SINHCAF: variants seen among roughly 807,000 people sequenced by gnomAD.
SINHCAF encodes the protein SIN3-HDAC complex associated factor.
SINHCAF carries 3 observed loss-of-function variants against 25.8 expected under a neutral mutation model. The observed-to-expected ratio is 0.12, with a 90% CI of 0.05 to 0.30. SINHCAF has a LOEUF of 0.30. SINHCAF is among the 10% of genes least tolerant of loss of function. The pLI is 1.00. For synonymous variants in SINHCAF, 70 were observed against 85.5 expected (o/e 0.82, Z 1.00); for missense variants, 121 against 262.3 (o/e 0.46, Z 3.72).
At chr12:31,289,172 T>G (rs1938204903) in intron 4 of SINHCAF, among the ~76,000 whole-genome samples, 1 of 152,058 alleles carries the variant, frequency 6.6e-6, no homozygotes, top group Non-Finnish European at 1.5e-5. Flanking sequence ...TGGAGCTTAG[T>G]CAAACATACA....
At chr12:31,314,063 T>C (rs1380460829) in intron 1 of SINHCAF, among the ~76,000 whole-genome samples, 1 of 152,044 alleles carries the variant, frequency 6.6e-6, no homozygotes, top group African/African-American at 2.4e-5. Flanking sequence ...TCCTGTGGAG[T>C]TCCTGTCCGT....
At chr12:31,296,685 A>C (rs1484417208) in intron 2 of SINHCAF, among the ~76,000 whole-genome samples, 1 of 151,948 alleles carries the variant, frequency 6.6e-6, no homozygotes, top group Non-Finnish European at 1.5e-5. Flanking sequence ...AAAATCCTGT[A>C]TCTACAAAAA....
At chr12:31,302,704 A>G (rs891797630) in intron 1 of SINHCAF, among the ~76,000 whole-genome samples, 3 of 152,008 alleles carry the variant, frequency 2.0e-5, no homozygotes, top group African/African-American at 7.2e-5. Context: ...TTTGACTGGT[A>G]TTCAGTGATG....
intron 1 of SINHCAF, chr12:31,311,605 C>A: frequency 2.8e-6 from 1 of 358,818 alleles, no homozygotes; most frequent in Non-Finnish European, 5.4e-6. Context: ...CCCCCTGGAC[C>A]CAGGGCCAAG....
At chr12:31,320,861 A>G (rs1255211086) in intron 1 of SINHCAF, among the ~76,000 whole-genome samples, 1 of 152,114 alleles carries the variant, frequency 6.6e-6, no homozygotes, top group South Asian at 2.1e-4. Flanking sequence ...TGTGGGGAGA[A>G]ATGAGAAATG....
intron 4 of SINHCAF, among the ~76,000 whole-genome samples, chr12:31,292,792 G>A (rs1360669836): frequency 6.6e-6 from 1 of 152,060 alleles, no homozygotes; most frequent in Non-Finnish European, 1.5e-5. Flanking sequence ...GAGTTCTCCT[G>A]CACTCCTCAC....
rs1240136541 is a variant in SINHCAF at position 31,325,295 on chromosome 12, C to A, written c.-21+729G>T. On this transcript the variant is annotated intron_variant, in intron 1 of 5. Coordinates refer to ENST00000337682, the MANE Select transcript of SINHCAF (RefSeq NM_001135812.2). This position sits in a 1 kb window ranked among gnomAD's most constrained non-coding sequence, Gnocchi z 5.9. ...GCTCTTGGGCGCGGTCCGAAGAGGGCAGGCGAGTGGAAGACGGGCTGTTTT... is the reference window on the plus strand; with the variant it reads ...GCTCTTGGGCGCGGTCCGAAGAGGGAAGGCGAGTGGAAGACGGGCTGTTTT... 1.1e-5 allele frequency: 5 copies of A among 452,650 alleles called. No individual in the cohort carries two copies. The highest frequency in any genetic ancestry group is 7.8e-5 in the South Asian group (5 of 64,278). The allele number at this position is 452,650 out of a possible 1,614,324, so 28.0% of individuals were successfully genotyped here. A position where few individuals can be genotyped will look rare whatever the true frequency, so the allele number is the denominator to read the frequency against.
Position 31,324,115 on chromosome 12 carries a change from G to A in SINHCAF, c.-21+1909C>T. On this transcript the variant is annotated intron_variant, in intron 1 of 5. Coordinates refer to ENST00000337682, the MANE Select transcript of SINHCAF (RefSeq NM_001135812.2). This position sits in a 1 kb window ranked among gnomAD's most constrained non-coding sequence, Gnocchi z 5.5. ...GGGGCGAGGGCGAGGGCAGCGGGAGGTGAACCGCGTCGCTCGCCGCCACCT... is the reference window on the plus strand; with the variant it reads ...GGGGCGAGGGCGAGGGCAGCGGGAGATGAACCGCGTCGCTCGCCGCCACCT... 2.2e-6 allele frequency: 1 copy of A among 452,322 alleles called. No individual in the cohort carries two copies. The highest frequency in any genetic ancestry group is 4.4e-6 in the Non-Finnish European group (1 of 225,758). The allele number at this position is 452,322 out of a possible 1,614,324, so 28.0% of individuals were successfully genotyped here. A position where few individuals can be genotyped will look rare whatever the true frequency, so the allele number is the denominator to read the frequency against.
intron 2 of SINHCAF, among the ~76,000 whole-genome samples, chr12:31,296,396 G>A (rs1182331204): frequency 5.3e-5 from 8 of 151,840 alleles, no homozygotes; most frequent in African/African-American, 1.9e-4. Context: ...CAACCCCTGG[G>A]CTCAACTGAT....
At chr12:31,318,610 AG>A (rs1411812702) in intron 1 of SINHCAF, among the ~76,000 whole-genome samples, 1 of 151,466 alleles carries the variant, frequency 6.6e-6, no homozygotes, top group Non-Finnish European at 1.5e-5. Context: ...TCTGGGCTTT[AG>A]ATAGTGTAAA....
At chr12:31,303,524 C>T (rs1348774910) in intron 1 of SINHCAF, 1 of 152,012 alleles carries the variant, frequency 6.6e-6, no homozygotes, top group African/African-American at 2.4e-5. Flanking sequence ...GCATTGCCCA[C>T]ACTGGTCTCA....
At position 31,293,827 on chromosome 12, in the gene SINHCAF, C is replaced by A. The variant is rs780924916; in HGVS notation, c.333G>T (p.Leu111=). ...TACTATGACGTTTAAATTCCTTCTG[C>A]AGTTTACTGATCTGGTTGCTTTTTA... ...NRIKSNQISK[L]QKEFKRHNSD... Residue 111 remains leucine, a synonymous_variant, in exon 4 of 6, where the codon CTG becomes CTT. Transcript: ENST00000337682. 2.5e-6 allele frequency: 4 copies of A among 1,604,208 alleles called. No individual in the cohort carries two copies. The highest frequency in any genetic ancestry group is 3.4e-6 in the Non-Finnish European group (4 of 1,177,580).
intron 2 of SINHCAF, 99 bp downstream of exon 2, chr12:31,297,978 A>G: frequency 8.4e-7 from 1 of 1,191,974 alleles, no homozygotes; most frequent in South Asian, 1.4e-5. Flanking sequence ...AGTGATTTTT[A>G]TTATTAGCAC....
intron 3 of SINHCAF, 45 bp from the exon 4 acceptor site, chr12:31,293,976 C>G: frequency 2.0e-6 from 3 of 1,498,584 alleles, no homozygotes; most frequent in South Asian, 2.6e-5. Flanking sequence ...TAAAATGACA[C>G]CAGTGTATCC....
chr12:31,295,082 A>C, intron 3 of SINHCAF, 152 bp downstream of exon 3: 1 of 585,648 alleles, frequency 1.7e-6, no homozygotes. Flanking sequence ...CCAAAATGTT[A>C]GGCCATTATA....
chr12:31,302,851 C>T, intron 1 of SINHCAF: 1 of 813,664 alleles, frequency 1.2e-6, no homozygotes, highest in Non-Finnish European at 1.5e-6. Flanking sequence ...CACAAGTTTA[C>T]AACCAGTACC....
Position 31,293,654 on chromosome 12 carries a change from T to A in SINHCAF, c.355+151A>T, listed in dbSNP as rs147780318. ...AAAAAGTGCCAACATTTCACAGAAA[T>A]AAGATAACATCTCTACCAAGTCAAC... On this transcript the variant is annotated intron_variant, in intron 4 of 5. Transcript: ENST00000337682. 1,169 of 608,458 alleles carry A rather than the reference T, an allele frequency of 1.9e-3. 12 individuals carry two copies. The African/African-American group carries it at 0.021, about 11-fold the overall frequency. 37.7% of individuals were successfully genotyped at this position (608,458 alleles called of 1,614,324 possible). A position where few individuals can be genotyped will look rare whatever the true frequency, so the allele number is the denominator to read the frequency against.
intron 3 of SINHCAF, 44 bp from the exon 4 acceptor site, chr12:31,293,975 A>G: frequency 6.6e-7 from 1 of 1,513,784 alleles, no homozygotes; most frequent in South Asian, 1.3e-5. Flanking sequence ...TTAAAATGAC[A>G]CCAGTGTATC....
chr12:31,326,108 C>CG lies in SINHCAF; in HGVS notation c.-106_-105insC, dbSNP rs1939967211. ...GCCAGTCCCCCTCAAGCGCTCCCTC[C>CG]TCCTCAACTGCCTTGTCTAGAAAGA... On this transcript the variant is annotated 5_prime_UTR_variant, in exon 1 of 6. Transcript: ENST00000337682. The CG allele has an allele frequency of 2.0e-5, 3 of 152,450 alleles. No homozygotes were observed. Among genetic ancestry groups the CG allele is most frequent in the Admixed American group, 6.5e-5 (1 of 15,304 alleles). 9.4% of individuals were successfully genotyped at this position (152,450 alleles called of 1,614,324 possible).
Sources: allele counts gnomAD v4.1 joint callset (sites outside exome capture counted in the v4.1 genomes callset), GRCh38; gene constraint gnomAD v4.1.1; non-coding constraint Gnocchi (gnomAD v3.1); transcripts MANE v1.5; gene names NCBI Gene and HGNC (gene_info 2026-07-23, HGNC 2026-07-21).